IGF2BP1: variants seen among roughly 807,000 people sequenced by gnomAD.
IGF2BP1 encodes the protein insulin-like growth factor 2 mRNA-binding protein 1.
A neutral mutation model predicts 74.9 loss-of-function variants in IGF2BP1; 11 were observed. The ratio of observed to expected loss-of-function variants is 0.15; its 90% CI spans 0.09 to 0.24. The LOEUF (loss-of-function observed/expected upper bound fraction) is 0.24, where lower values mean the gene tolerates loss of function less well. Ranked by LOEUF, IGF2BP1 falls within the 10% of genes least tolerant of loss-of-function variation. IGF2BP1 has a pLI of 1.00. For missense variants in IGF2BP1, 440 were observed against 757.4 expected (o/e 0.58, Z 4.92); for synonymous variants, 287 against 281.8 (o/e 1.02, Z -0.18).
intron 2 of IGF2BP1, among the ~76,000 whole-genome samples, chr17:49,004,329 A>C (rs2041522879): frequency 6.8e-6 from 1 of 145,994 alleles, no homozygotes. Flanking sequence ...CGGGCTGCAG[A>C]CCCTTTCCAG....
Position 49,049,621 on chromosome 17 carries a change from C to T in IGF2BP1, c.*177C>T. ...AGTGAGGAACCCTGATCTCTCAGCC[C>T]CAAACACCCACCCAATTGGCCCAAC... On this transcript the variant is annotated 3_prime_UTR_variant, in exon 15 of 15. Coordinates refer to ENST00000290341, the MANE Select transcript of IGF2BP1 (RefSeq NM_006546.4). 1.7e-6 allele frequency: 1 copy of T among 582,514 alleles called. No homozygotes were observed. The highest frequency in any genetic ancestry group is 3.1e-6 in the Non-Finnish European group (1 of 327,088). 36.1% of individuals were successfully genotyped at this position (582,514 alleles called of 1,614,324 possible).
At chr17:49,024,078 T>G (rs977178560) in intron 2 of IGF2BP1, among the ~76,000 whole-genome samples, 2 of 142,312 alleles carry the variant, frequency 1.4e-5, no homozygotes, top group Non-Finnish European at 1.5e-5. Context: ...CACCACACCC[T>G]GCTAATTTTT....
At position 49,025,627 on chromosome 17, in the gene IGF2BP1, A is replaced by G; in HGVS notation, c.246A>G (p.Lys82=). ...HSVPKKQRSR[K]IQIRNIPPQL... is the part of the protein sequence containing the mutation. ...CCCCCTTTACTTTCAGGAGCCGGAAAATTCAAATCCGAAATATTCCACCCC... is the reference window on the plus strand; with the variant it reads ...CCCCCTTTACTTTCAGGAGCCGGAAGATTCAAATCCGAAATATTCCACCCC... The change falls in exon 3 of 15, where the codon AAA becomes AAG. Residue 82 remains lysine, a synonymous_variant. Coordinates refer to ENST00000290341, the MANE Select transcript of IGF2BP1 (RefSeq NM_006546.4). The G allele has an allele frequency of 6.2e-7, 1 of 1,612,782 alleles. No individual in the cohort carries two copies. The highest frequency in any genetic ancestry group is 1.7e-5 in the Admixed American group (1 of 59,952).
chr17:49,043,332 C>A, intron 9 of IGF2BP1, 96 bp from the exon 10 acceptor site: 1 of 1,440,892 alleles, frequency 6.9e-7, no homozygotes, highest in Non-Finnish European at 9.5e-7. Context: ...TTTTGGCCCA[C>A]TTGCCTCTGG....
chr17:49,036,941 A>G (rs1465568621), intron 5 of IGF2BP1: 2 of 173,620 alleles, frequency 1.2e-5, no homozygotes, highest in Non-Finnish European at 1.2e-5. Context: ...TGTCTCAAGA[A>G]AAAAACAAAA....
At position 48,998,328 on chromosome 17, in the gene IGF2BP1, G is replaced by A. The variant is rs150539053; in HGVS notation, c.175+408G>A. Among the ~76,000 whole-genome samples the A allele has an allele frequency of 3.2e-3, 484 of 152,306 alleles. 8 individuals are homozygous for A. Among genetic ancestry groups the A allele is most frequent in the African/African-American group, 0.011 (451 of 41,570 alleles). On this transcript the variant is annotated intron_variant, in intron 1 of 14. Coordinates refer to ENST00000290341, the MANE Select transcript of IGF2BP1 (RefSeq NM_006546.4). The stretch of plus-strand genomic sequence containing the variant: ...CCCCAGCTGGAAAACCCCGGCTCCC[G>A]TTCCTCAGTCTTAGGCCTTTCCAGG...
chr17:49,038,968 C>A (rs1459758095), intron 6 of IGF2BP1, among the ~76,000 whole-genome samples: 1 of 150,866 alleles, frequency 6.6e-6, no homozygotes, highest in Admixed American at 6.6e-5. Context: ...ACCTCTGCCT[C>A]CCGGGTTCAA....
chr17:49,030,729 C>T (rs980246955), intron 4 of IGF2BP1, among the ~76,000 whole-genome samples: 3 of 151,490 alleles, frequency 2.0e-5, no homozygotes, highest in African/African-American at 7.3e-5. Context: ...CGGGTTCAAG[C>T]GATTCTCCTG....
At position 49,045,984 on chromosome 17, in the gene IGF2BP1, C is replaced by T; in HGVS notation, c.1490C>T (p.Ser497Leu). Residue 497 changes from serine to leucine, a missense_variant, in exon 13 of 15, where the codon TCA (serine) becomes TTA (leucine). Ser to Leu is a moderately radical substitution (Grantham distance 145, BLOSUM62 -2). This residue lies in a region of IGF2BP1 where 117 missense variants were observed against 237.2 expected (regional missense o/e 0.49). Coordinates refer to ENST00000290341, the MANE Select transcript of IGF2BP1 (RefSeq NM_006546.4). Reference sequence around the variant, plus strand: ...GAGACCCACATACGTGTGCCAGCATCAGCAGCTGGCCGGGTCATTGGCAAA... The same window carrying T: ...GAGACCCACATACGTGTGCCAGCATTAGCAGCTGGCCGGGTCATTGGCAAA... ...KLETHIRVPA[S>L]AAGRVIGKGG... The T allele has an allele frequency of 6.2e-7, 1 of 1,614,202 alleles. No homozygotes were observed. Among genetic ancestry groups the T allele is most frequent in the Non-Finnish European group, 8.5e-7 (1 of 1,180,044 alleles).
In IGF2BP1 at chr17:48,997,829, C is replaced by T. The variant is rs2143894166; in HGVS notation, c.84C>T (p.Ser28=). The change falls in exon 1 of 15, where the codon TCC becomes TCT. Residue 28 remains serine (S), a synonymous_variant. Transcript: ENST00000290341. This position sits in a 1 kb window ranked among gnomAD's most constrained non-coding sequence, Gnocchi z 4.8. ...LEKVFAEHKI[S]YSGQFLVKSG... ...AAGTGTTTGCGGAGCACAAGATCTC[C>T]TACAGCGGCCAGTTCTTGGTCAAAT... 1 of 1,614,204 alleles carries T rather than the reference C, an allele frequency of 6.2e-7. No homozygotes were observed. The highest frequency in any genetic ancestry group is 8.5e-7 in the Non-Finnish European group (1 of 1,180,028).
In IGF2BP1 at chr17:48,999,994, CTCTT is replaced by C. The variant is rs370411672; in HGVS notation, c.236+826_236+829del. ...TGTGTTCCAATACCCTCTATCCTCT[CTCTT>C]CAGCAAAATGGGGTACCTCCATCAT... On this transcript the variant is annotated intron_variant, in intron 2 of 14. Coordinates refer to ENST00000290341, the MANE Select transcript of IGF2BP1 (RefSeq NM_006546.4). Among the ~76,000 whole-genome samples the C allele has an allele frequency of 2.8e-4, 43 of 151,164 alleles. No homozygotes were observed. In the East Asian group the frequency reaches 6.5e-3, roughly 23 times the overall value.
At chr17:49,044,207 C>A (rs751168579) in intron 11 of IGF2BP1, 121 bp downstream of exon 11, 54 of 1,357,826 alleles carry the variant, frequency 4.0e-5, no homozygotes, top group Non-Finnish European at 5.3e-5. Context: ...TATGAGGGAC[C>A]TTTCCCCCAT....
intron 12 of IGF2BP1, among the ~76,000 whole-genome samples, chr17:49,045,386 T>A (rs2042098544): frequency 6.6e-6 from 1 of 152,240 alleles, no homozygotes; most frequent in Admixed American, 6.5e-5. Context: ...ATGTCCCCAC[T>A]AAATCCTAAG....
Position 49,031,898 on chromosome 17 carries a change from T to C in IGF2BP1, c.338-12T>C, listed in dbSNP as rs201089971. 6.2e-7 allele frequency: 1 copy of C among 1,613,208 alleles called. No homozygotes were observed. On this transcript the variant is annotated splice_polypyrimidine_tract_variant and intron_variant, in intron 4 of 14. Coordinates refer to ENST00000290341, the MANE Select transcript of IGF2BP1 (RefSeq NM_006546.4). Reference sequence around the variant, plus strand: ...TTCCCTGCTCTGAGGTTATCCTCTCTTTTCTCTGCAGTGAACACCGAGAGT... The same window carrying C: ...TTCCCTGCTCTGAGGTTATCCTCTCCTTTCTCTGCAGTGAACACCGAGAGT...
intron 2 of IGF2BP1, among the ~76,000 whole-genome samples, chr17:49,022,954 G>C (rs920565558): frequency 2.6e-5 from 4 of 152,250 alleles, no homozygotes; most frequent in African/African-American, 9.6e-5. Flanking sequence ...CCTTGAGGGA[G>C]GTCCTGGGCC....
intron 14 of IGF2BP1, among the ~76,000 whole-genome samples, chr17:49,047,115 G>T (rs1395344556): frequency 6.6e-6 from 1 of 152,164 alleles, no homozygotes; most frequent in Non-Finnish European, 1.5e-5. Context: ...TGGTCTGCTG[G>T]GGCTGCTAGA....
intron 5 of IGF2BP1, chr17:49,037,085 G>A (rs2041998626): frequency 3.3e-6 from 1 of 299,582 alleles, no homozygotes; most frequent in African/African-American, 2.3e-5. Context: ...AGCATTTCAA[G>A]GAGTTTGAAT....
intron 2 of IGF2BP1, among the ~76,000 whole-genome samples, chr17:49,016,819 C>T (rs1052940743): frequency 7.3e-6 from 1 of 137,532 alleles, no homozygotes; most frequent in Non-Finnish European, 1.6e-5. Context: ...GTCCTCCTGC[C>T]CCCCCGCCTG....
At position 49,049,401 on chromosome 17, in the gene IGF2BP1, A is replaced by T; in HGVS notation, c.1691A>T (p.His564Leu). Reference protein sequence around the residue: ...RDILAQVKQQHQKGQSNQAQA... With the variant: ...RDILAQVKQQLQKGQSNQAQA... ...ATCCTGGCCCAGGTTAAGCAGCAGCATCAGAAGGGACAGAGTAACCAGGCC... is the reference window on the plus strand; with the variant it reads ...ATCCTGGCCCAGGTTAAGCAGCAGCTTCAGAAGGGACAGAGTAACCAGGCC... The change falls in exon 15 of 15, where the codon CAT (histidine) becomes CTT (leucine). Residue 564 changes from histidine (H) to leucine (L), a missense_variant. His to Leu is a moderately conservative substitution (Grantham distance 99). Transcript: ENST00000290341. The T allele has an allele frequency of 6.2e-7, 1 of 1,614,204 alleles. No individual in the cohort carries two copies.
Sources: allele counts gnomAD v4.1 joint callset (sites outside exome capture counted in the v4.1 genomes callset), GRCh38; gene constraint gnomAD v4.1.1; regional missense constraint gnomAD v4.1.1; non-coding constraint Gnocchi (gnomAD v3.1); transcripts MANE v1.5; gene names NCBI Gene and HGNC (gene_info 2026-07-23, HGNC 2026-07-21).